Variants in DDHD1 observed in about 807,000 individuals in gnomAD.
DDHD1 encodes DDHD domain containing 1, also known as phospholipase DDHD1.
DDHD1 carries 49 observed loss-of-function variants against 96.4 expected under a neutral mutation model. The ratio of observed to expected loss-of-function variants is 0.51; its 90% CI spans 0.40 to 0.64. The LOEUF (loss-of-function observed/expected upper bound fraction) is 0.64. Among genes scored for constraint, DDHD1 ranks in the 30% least tolerant of loss-of-function variants. The pLI is 0.00. For missense variants in DDHD1, 1,106 were observed against 1,161.2 expected (o/e 0.95, Z 0.69); for synonymous variants, 442 against 446.5 (o/e 0.99, Z 0.13).
At position 53,051,931 on chromosome 14, in the gene DDHD1, T is replaced by TG. The variant is rs774487234; in HGVS notation, c.2438-5dup. 9 of 1,573,636 alleles carry TG rather than the reference T, an allele frequency of 5.7e-6. No homozygotes were observed. The highest frequency in any genetic ancestry group is 2.3e-5 in the East Asian group (1 of 43,548). On this transcript the variant is annotated splice_region_variant and splice_polypyrimidine_tract_variant and intron_variant, in intron 11 of 12. Transcript: ENST00000673822. ...AACGATTCTTGAAGTCTGAAATCTG[T>TG]GAAAAAAAAACACAAGATGCTGTAA...
Position 53,046,773 on chromosome 14 carries a change from T to A in DDHD1, c.2698A>T (p.Ile900Phe). 1 of 1,598,276 alleles carries A rather than the reference T, an allele frequency of 6.3e-7. No homozygotes were observed. The highest frequency in any genetic ancestry group is 8.5e-7 in the Non-Finnish European group (1 of 1,173,024). ...TTCATGTCCTTCAAGAGAGTTCAGA[T>A]TGGATCTAAATTGGGTTTTGCATCA... ...DDDAKPNLDP[I>F] The change falls in exon 13 of 13, where the codon ATC becomes TTC. Residue 900 changes from isoleucine to phenylalanine, a missense_variant. Ile to Phe is a conservative substitution (Grantham distance 21). Around this residue, in one of 2 missense-constraint regions of DDHD1, gnomAD observed 650 missense variants for 758.8 expected, o/e 0.86. Coordinates refer to ENST00000673822, the MANE Select transcript of DDHD1 (RefSeq NM_001160148.2).
intron 1 of DDHD1, among the ~76,000 whole-genome samples, chr14:53,107,510 G>A (rs971808282): frequency 6.6e-6 from 1 of 152,188 alleles, no homozygotes; most frequent in Non-Finnish European, 1.5e-5. Context: ...TGTAATTGTG[G>A]CTGGATACAG....
intron 1 of DDHD1, among the ~76,000 whole-genome samples, chr14:53,134,200 C>A (rs1890067173): frequency 6.6e-6 from 1 of 152,174 alleles, no homozygotes; most frequent in South Asian, 2.1e-4. Flanking sequence ...TTCTGTCTAG[C>A]CATACTCCTA....
chr14:53,133,673 T>C (rs1890035411), intron 1 of DDHD1, among the ~76,000 whole-genome samples: 1 of 152,164 alleles, frequency 6.6e-6, no homozygotes, highest in Non-Finnish European at 1.5e-5. Flanking sequence ...AGCTCCTGTA[T>C]GGACGCTCTT....
intron 6 of DDHD1, among the ~76,000 whole-genome samples, chr14:53,071,392 C>A (rs546644759): frequency 6.6e-6 from 1 of 151,994 alleles, no homozygotes; most frequent in Non-Finnish European, 1.5e-5. Context: ...AATATTTCCA[C>A]GGTTATCTCT....
intron 9 of DDHD1, among the ~76,000 whole-genome samples, chr14:53,056,697 T>C (rs1255389782): frequency 2.0e-5 from 3 of 152,220 alleles, no homozygotes; most frequent in African/African-American, 7.2e-5. Flanking sequence ...CTTACAGAGA[T>C]GTGAGAAAGA....
Position 53,036,806 on chromosome 14 carries a change from G to A in DDHD1, c.*9962C>T, listed in dbSNP as rs1479620823. Reference sequence around the variant, plus strand: ...TATTTCAACTTTTCATTTAGAAACAGTGGGTAAATGTGCAAGTTTGTTACA... The same window carrying A: ...TATTTCAACTTTTCATTTAGAAACAATGGGTAAATGTGCAAGTTTGTTACA... On this transcript the variant is annotated 3_prime_UTR_variant, in exon 13 of 13. Transcript: ENST00000673822. The A allele has an allele frequency of 1.3e-5, 2 of 152,134 alleles. No individual in the cohort carries two copies. The highest frequency in any genetic ancestry group is 3.8e-4 in the East Asian group (2 of 5,202). The allele number at this position is 152,134 out of a possible 1,614,324, so 9.4% of individuals were successfully genotyped here. A position where few individuals can be genotyped will look rare whatever the true frequency, so the allele number is the denominator to read the frequency against.
In DDHD1 at chr14:53,040,174, G is replaced by C. The variant is rs1881553887; in HGVS notation, c.*6594C>G. 6.6e-6 allele frequency: 1 copy of C among 152,196 alleles called. No homozygotes were observed. Among genetic ancestry groups the C allele is most frequent in the Non-Finnish European group, 1.5e-5 (1 of 68,048 alleles). 9.4% of individuals were successfully genotyped at this position (152,196 alleles called of 1,614,324 possible). On this transcript the variant is annotated 3_prime_UTR_variant, in exon 13 of 13. Coordinates refer to ENST00000673822, the MANE Select transcript of DDHD1 (RefSeq NM_001160148.2). ...CACGGGTTCTTGGAGTTAGCCTGAA[G>C]ACCTCAGAGCTATGGTCACTGACTG...
At chr14:53,082,106 T>C (rs1431339196) in intron 4 of DDHD1, among the ~76,000 whole-genome samples, 1 of 152,236 alleles carries the variant, frequency 6.6e-6, no homozygotes, top group East Asian at 1.9e-4. Flanking sequence ...AATATTATAC[T>C]ATACCTCAGA....
intron 1 of DDHD1, among the ~76,000 whole-genome samples, chr14:53,145,944 T>C (rs748842684): frequency 6.6e-6 from 1 of 152,192 alleles, no homozygotes; most frequent in Non-Finnish European, 1.5e-5. Flanking sequence ...TGGTGGCTCA[T>C]GCCTGTAATC....
At chr14:53,142,866 G>T (rs939716559) in intron 1 of DDHD1, among the ~76,000 whole-genome samples, 6 of 152,190 alleles carry the variant, frequency 3.9e-5, no homozygotes, top group Non-Finnish European at 8.8e-5. Flanking sequence ...GTGCCCATTT[G>T]AGAGTTGATT....
intron 1 of DDHD1, among the ~76,000 whole-genome samples, chr14:53,147,728 G>C (rs927196587): frequency 1.3e-5 from 2 of 152,160 alleles, no homozygotes; most frequent in Non-Finnish European, 2.9e-5. Context: ...TGCAGTCCAA[G>C]GCTGCTTTCC....
intron 1 of DDHD1, among the ~76,000 whole-genome samples, chr14:53,137,816 A>T (rs1890345989): frequency 6.6e-6 from 1 of 152,182 alleles, no homozygotes; most frequent in Admixed American, 6.5e-5. Flanking sequence ...AATCCCATGC[A>T]GATGAATTAT....
chr14:53,118,937 A>G lies in DDHD1; in HGVS notation c.839-15081T>C, dbSNP rs571629155. ...AGAAAGGTCAGGTTACCCACAAAGG[A>G]AAGCCCATCAGACTAACGGCGGATC... On this transcript the variant is annotated intron_variant, in intron 1 of 12. Coordinates refer to ENST00000673822, the MANE Select transcript of DDHD1 (RefSeq NM_001160148.2). Among the ~76,000 whole-genome samples, 389 of 152,292 alleles carry G rather than the reference A, an allele frequency of 2.6e-3. 2 individuals carry two copies. The highest frequency in any genetic ancestry group is 9.1e-3 in the African/African-American group (377 of 41,564).
At chr14:53,047,863 G>A (rs1351310506) in intron 12 of DDHD1, among the ~76,000 whole-genome samples, 1 of 152,112 alleles carries the variant, frequency 6.6e-6, no homozygotes, top group Non-Finnish European at 1.5e-5. Context: ...CCTTTAAACT[G>A]TTAATGAGCC....
At position 53,042,452 on chromosome 14, in the gene DDHD1, T is replaced by C. The variant is rs953953599; in HGVS notation, c.*4316A>G. On this transcript the variant is annotated 3_prime_UTR_variant, in exon 13 of 13. Coordinates refer to ENST00000673822, the MANE Select transcript of DDHD1 (RefSeq NM_001160148.2). Reference sequence around the variant, plus strand: ...TGGAGTTTGCTGCCTTTCACTTCACTTTTCATGACCTTTACTGCTATTTAA... The same window carrying C: ...TGGAGTTTGCTGCCTTTCACTTCACCTTTCATGACCTTTACTGCTATTTAA... 10 of 152,228 alleles carry C rather than the reference T, an allele frequency of 6.6e-5. No homozygotes were observed. The allele number at this position is 152,228 out of a possible 1,614,324, so 9.4% of individuals were successfully genotyped here. A position where few individuals can be genotyped will look rare whatever the true frequency, so the allele number is the denominator to read the frequency against.
chr14:53,137,592 AAAAAAT>A lies in DDHD1; in HGVS notation c.838+14663_838+14668del, dbSNP rs539044681. 8.8e-4 allele frequency among the ~76,000 whole-genome samples: 134 copies of A among 152,050 alleles called. 1 individual carries two copies. Among genetic ancestry groups the A allele is most frequent in the African/African-American group, 1.4e-3 (58 of 41,386 alleles). On this transcript the variant is annotated intron_variant, in intron 1 of 12. Transcript: ENST00000673822. ...GGGTGACACAGTGAGACTCTTTCTC[AAAAAAT>A]AAAAATAAAAATAAAAATAAAAATA...
intron 1 of DDHD1, among the ~76,000 whole-genome samples, chr14:53,137,174 A>G (rs1449912422): frequency 1.3e-5 from 2 of 152,248 alleles, no homozygotes; most frequent in African/African-American, 2.4e-5. Context: ...GTAAATTAGA[A>G]ATTACAGAAG....
intron 8 of DDHD1, among the ~76,000 whole-genome samples, chr14:53,060,575 T>C (rs1310177685): frequency 6.6e-6 from 1 of 152,244 alleles, no homozygotes. Context: ...ATTACTCATA[T>C]ACTTCCTCTG....
Sources: allele counts gnomAD v4.1 joint callset (sites outside exome capture counted in the v4.1 genomes callset), GRCh38; gene constraint gnomAD v4.1.1; regional missense constraint gnomAD v4.1.1; transcripts MANE v1.5; gene names NCBI Gene and HGNC (gene_info 2026-07-23, HGNC 2026-07-21).